Variants in ADAMTS6 observed in about 807,000 individuals in gnomAD.
The protein encoded by ADAMTS6 is A disintegrin and metalloproteinase with thrombospondin motifs 6.
A neutral mutation model predicts 144.3 loss-of-function variants in ADAMTS6; 23 were observed. That is an observed-to-expected ratio of 0.16 (90% CI 0.11 to 0.23). The LOEUF is 0.23. ADAMTS6 is among the 10% of genes least tolerant of loss of function. The pLI, the probability that ADAMTS6 is intolerant of heterozygous loss-of-function variation, is 1.00. For missense variants in ADAMTS6, 999 were observed against 1,379.6 expected, an observed-to-expected ratio of 0.72 and a Z score of 4.37; for synonymous variants, 444 against 457.5, an observed-to-expected ratio of 0.97 and a Z score of 0.38.
At chr5:65,452,594 C>T (rs937175054) in intron 5 of ADAMTS6, 113 bp downstream of exon 5, 2 of 1,120,298 alleles carry the variant, frequency 1.8e-6, no homozygotes, top group Admixed American at 5.8e-5. Context: ...AATTTTTTAC[C>T]ATTTTAGACA....
chr5:65,344,057 A>T (rs528672587), intron 7 of ADAMTS6, among the ~76,000 whole-genome samples: 1 of 152,012 alleles, frequency 6.6e-6, no homozygotes, highest in African/African-American at 2.4e-5. Context: ...TGAGTTTTAC[A>T]TTCATTCTAA....
chr5:65,329,556 G>A, intron 8 of ADAMTS6, 73 bp from the exon 9 acceptor site: 1 of 1,302,890 alleles, frequency 7.7e-7, no homozygotes, highest in South Asian at 1.5e-5. Context: ...ATTTATAAAT[G>A]CCTGGATTCT....
At chr5:65,442,864 G>C (rs868652853) in intron 7 of ADAMTS6, among the ~76,000 whole-genome samples, 1 of 151,962 alleles carries the variant, frequency 6.6e-6, no homozygotes, top group African/African-American at 2.4e-5. Context: ...AGTGTGTGTT[G>C]TTCCCCTCCC....
rs1214654908 is a variant in ADAMTS6 at position 65,409,455 on chromosome 5, T to C, written c.1073+42020A>G. 2.6e-5 allele frequency among the ~76,000 whole-genome samples: 4 copies of C among 152,264 alleles called. No homozygotes were observed. In the East Asian group the frequency reaches 7.7e-4, roughly 29 times the overall value. On this transcript the variant is annotated intron_variant, in intron 7 of 24. Transcript: ENST00000381055. ...CTCCCAAGACTAAATCAGGAAGAAG[T>C]TGAATCCCTGAATAGACCAATAACA... is the stretch of plus-strand genomic sequence containing the variant.
intron 15 of ADAMTS6, among the ~76,000 whole-genome samples, chr5:65,237,766 T>C (rs1050889939): frequency 1.3e-5 from 2 of 152,070 alleles, no homozygotes; most frequent in African/African-American, 4.8e-5. Flanking sequence ...TACATCATGA[T>C]CACATGGGGT....
At chr5:65,227,023 C>G (rs1429424063) in intron 15 of ADAMTS6, among the ~76,000 whole-genome samples, 1 of 152,184 alleles carries the variant, frequency 6.6e-6, no homozygotes, top group African/African-American at 2.4e-5. Flanking sequence ...TAAAATAAAA[C>G]TAAATTTGTA....
chr5:65,175,336 G>C (rs867239159), intron 22 of ADAMTS6, among the ~76,000 whole-genome samples: 55 of 151,668 alleles, frequency 3.6e-4, no homozygotes, highest in Non-Finnish European at 6.9e-4. Context: ...GTCAAAAAGA[G>C]AGAGACAGAA....
intron 11 of ADAMTS6, among the ~76,000 whole-genome samples, chr5:65,275,396 AAAGAAAGAAAGAAAG>A (rs1249869462): frequency 5.5e-4 from 79 of 142,782 alleles, no homozygotes; most frequent in African/African-American, 1.8e-3. Flanking sequence ...AGAAAGAAAG[AAAGAAAGAAAGAAAG>A]AAAGAAAAGA....
intron 9 of ADAMTS6, among the ~76,000 whole-genome samples, chr5:65,325,227 G>A (rs754695012): frequency 1.3e-5 from 2 of 152,092 alleles, no homozygotes; most frequent in African/African-American, 2.4e-5. Flanking sequence ...GGTGGGACAT[G>A]GTTATACACC....
At chr5:65,383,098 T>TTAA (rs1752179608) in intron 7 of ADAMTS6, among the ~76,000 whole-genome samples, 1 of 152,142 alleles carries the variant, frequency 6.6e-6, no homozygotes, top group Non-Finnish European at 1.5e-5. Context: ...GCTCAACATC[T>TTAA]TAATATCATC....
At position 65,152,041 on chromosome 5, in the gene ADAMTS6, T is replaced by C. The variant is rs1752168209; in HGVS notation, c.3245-96A>G. On this transcript the variant is annotated intron_variant, in intron 24 of 24. Transcript: ENST00000381055. ...CCTGCATGTTCAGCAAGGACCCCCT[T>C]TGGGCCAATCCACCTTGGCTTCGAC... 2.8e-6 allele frequency: 3 copies of C among 1,066,338 alleles called. No individual in the cohort carries two copies. In the South Asian group the frequency reaches 4.6e-5, roughly 16 times the overall value. 66.1% of individuals were successfully genotyped at this position (1,066,338 alleles called of 1,614,324 possible). A position where few individuals can be genotyped will look rare whatever the true frequency, so the allele number is the denominator to read the frequency against.
At chr5:65,307,895 G>T (rs1744090190) in intron 9 of ADAMTS6, among the ~76,000 whole-genome samples, 1 of 152,116 alleles carries the variant, frequency 6.6e-6, no homozygotes, top group South Asian at 2.1e-4. Context: ...TTTTAAGCAA[G>T]GATCCCATTT....
rs924148327 is a variant in ADAMTS6 at position 65,284,541 on chromosome 5, A to G, written c.1512+6788T>C. 7.3e-4 allele frequency among the ~76,000 whole-genome samples: 111 copies of G among 152,080 alleles called. 2 individuals are homozygous for G. Among genetic ancestry groups the G allele is most frequent in the Non-Finnish European group, 1.5e-3 (103 of 67,978 alleles). On this transcript the variant is annotated intron_variant, in intron 11 of 24. Coordinates refer to ENST00000381055, the MANE Select transcript of ADAMTS6 (RefSeq NM_197941.4). ...GCTAGATTTCTTACTATAAATTAATAAATCCAAATTTATATCTATATTTAC... is the reference window on the plus strand; with the variant it reads ...GCTAGATTTCTTACTATAAATTAATGAATCCAAATTTATATCTATATTTAC...
At chr5:65,321,333 A>G (rs926886226) in intron 9 of ADAMTS6, among the ~76,000 whole-genome samples, 3 of 151,680 alleles carry the variant, frequency 2.0e-5, no homozygotes, top group African/African-American at 7.3e-5. Context: ...ATATGTATGT[A>G]TGTATGTCTT....
intron 15 of ADAMTS6, among the ~76,000 whole-genome samples, chr5:65,232,785 A>G (rs2112447261): frequency 6.6e-6 from 1 of 152,174 alleles, no homozygotes; most frequent in East Asian, 1.9e-4. Flanking sequence ...AAGAATTAAT[A>G]CCAATTTTTC....
At chr5:65,353,160 A>T (rs1749018052) in intron 7 of ADAMTS6, among the ~76,000 whole-genome samples, 1 of 152,048 alleles carries the variant, frequency 6.6e-6, no homozygotes, top group Non-Finnish European at 1.5e-5. Flanking sequence ...GGCCAGAAAC[A>T]TTGTTAATAT....
rs1580141303 is a variant in ADAMTS6, at chr5:65,235,172, T to C, written c.1933+6932A>G. On this transcript the variant is annotated intron_variant, in intron 15 of 24. Coordinates refer to ENST00000381055, the MANE Select transcript of ADAMTS6 (RefSeq NM_197941.4). The stretch of plus-strand genomic sequence containing the variant: ...TAGTATAGTTAAGAATAATGTATAG[T>C]ATACTTTAAATTTGTTAAGAGAGTA... 2.0e-5 allele frequency among the ~76,000 whole-genome samples: 3 copies of C among 152,266 alleles called. No individual in the cohort carries two copies. In the East Asian group the frequency reaches 5.8e-4, roughly 29 times the overall value.
chr5:65,381,327 G>C (rs1752018206), intron 7 of ADAMTS6, among the ~76,000 whole-genome samples: 2 of 151,150 alleles, frequency 1.3e-5, no homozygotes, highest in African/African-American at 2.4e-5. Flanking sequence ...TAAGCTTCTA[G>C]GTAACCAAAG....
At chr5:65,284,165 GATAAA>G (rs1479954058) in intron 11 of ADAMTS6, among the ~76,000 whole-genome samples, 1 of 152,000 alleles carries the variant, frequency 6.6e-6, no homozygotes, top group African/African-American at 2.4e-5. Flanking sequence ...AATTGGTGGT[GATAAA>G]ATAATAAAAT....
Sources: gnomAD v4.1 joint callset for allele counts (sites outside exome capture counted in the v4.1 genomes callset) on GRCh38, gnomAD v4.1.1 for gene constraint, MANE v1.5 for transcripts, NCBI Gene and HGNC (gene_info 2026-07-23, HGNC 2026-07-21) for gene names.